DNAH5: variants seen among roughly 807,000 people sequenced by gnomAD.
DNAH5 encodes dynein axonemal heavy chain 5.
DNAH5 carries 372 observed loss-of-function variants against 518.2 expected under a neutral mutation model. The observed-to-expected ratio is 0.72, with a 90% confidence interval of 0.66 to 0.78. The LOEUF is 0.78. Among genes scored for constraint, DNAH5 ranks in the 30% least tolerant of loss-of-function variants. The pLI, the probability that DNAH5 is intolerant of heterozygous loss-of-function variation, is 0.00. For synonymous variants in DNAH5, 2,039 were observed against 2,025.9 expected (o/e 1.01, Z -0.17); for missense variants, 5,523 against 5,687.0 (o/e 0.97, Z 0.93).
rs756032160 is a variant in DNAH5 at position 13,735,239 on chromosome 5, G to A, written c.11653C>T (p.Arg3885Ter). The change falls in exon 68 of 79, where the codon CGA (arginine) becomes TGA (stop). Residue 3885 changes from arginine (R) to a stop codon, truncating the protein, a stop_gained. Coordinates refer to ENST00000265104, the MANE Select transcript of DNAH5 (RefSeq NM_001369.3). LOFTEE classifies it high-confidence loss of function. ...AATTTGTGCTCCTCGTACAGCCCTCGGGCAGCATACTTATAAACCTCGTAG... is the reference window on the plus strand; with the variant it reads ...AATTTGTGCTCCTCGTACAGCCCTCAGGCAGCATACTTATAAACCTCGTAG... ...MTYEVYKYAA[R>*]GLYEEHKFLF... The A allele has an allele frequency of 1.4e-5, 23 of 1,613,862 alleles. No homozygotes were observed. The highest frequency in any genetic ancestry group is 3.3e-5 in the Admixed American group (2 of 59,980).
chr5:13,854,427 A>G (rs1426407269), intron 30 of DNAH5, among the ~76,000 whole-genome samples: 6 of 152,252 alleles, frequency 3.9e-5, no homozygotes, highest in African/African-American at 1.2e-4. Flanking sequence ...ACCAAAATGT[A>G]AAGACCATTG....
Position 13,721,108 on chromosome 5 carries a change from A to G in DNAH5, c.12171T>C (p.Asp4057=), listed in dbSNP as rs181510043. The change falls in exon 71 of 79, where the codon GAT becomes GAC. Residue 4057 remains aspartate, a synonymous_variant. Transcript: ENST00000265104. ...ATCTCTTCCCCAAGGCAATGATGGAATCTGTGGGGTCTGAGCCCATAGACA... is the reference window on the plus strand; with the variant it reads ...ATCTCTTCCCCAAGGCAATGATGGAGTCTGTGGGGTCTGAGCCCATAGACA... ...CLLSMGSDPT[D]SIIALGKRLK... 3.7e-5 allele frequency: 59 copies of G among 1,614,002 alleles called. No individual in the cohort carries two copies. The highest frequency in any genetic ancestry group is 4.6e-5 in the Non-Finnish European group (54 of 1,180,006).
rs1291374135 is a variant in DNAH5 at position 13,919,169 on chromosome 5, T to C, written c.975+7A>G. 6.2e-7 allele frequency: 1 copy of C among 1,613,968 alleles called. No individual in the cohort carries two copies. Among genetic ancestry groups the C allele is most frequent in the Non-Finnish European group, 8.5e-7 (1 of 1,179,832 alleles). On this transcript the variant is annotated splice_region_variant and intron_variant, in intron 7 of 78. Coordinates refer to ENST00000265104, the MANE Select transcript of DNAH5 (RefSeq NM_001369.3). Reference sequence around the variant, plus strand: ...ATTTCACAAGGCAAAATGAAATGGCTGACGACCTTCAGCAGTTTCGACTTG... The same window carrying C: ...ATTTCACAAGGCAAAATGAAATGGCCGACGACCTTCAGCAGTTTCGACTTG...
At position 13,839,491 on chromosome 5, in the gene DNAH5, C is replaced by A; in HGVS notation, c.5747G>T (p.Trp1916Leu). The A allele has an allele frequency of 6.2e-7, 1 of 1,614,014 alleles. No homozygotes were observed. The highest frequency in any genetic ancestry group is 8.5e-7 in the Non-Finnish European group (1 of 1,179,944). ...MHIKSPMDFE[W>L]LKQCRFYFNE... ...AAAGTAAAATCTGCACTGTTTCAGC[C>A]ACTCAAAGTCCATGGGACTCTTGAT... Residue 1916 changes from tryptophan (W) to leucine (L), a missense_variant, in exon 35 of 79, where the codon TGG (tryptophan) becomes TTG (leucine). By Grantham distance (61) the Trp-to-Leu change is moderately conservative. Transcript: ENST00000265104.
chr5:13,696,620 C>G (rs1206837653), intron 78 of DNAH5, among the ~76,000 whole-genome samples: 1 of 152,090 alleles, frequency 6.6e-6, no homozygotes. Flanking sequence ...AAATGCTGCA[C>G]TTTGGTCATT....
At chr5:13,799,104 T>G (rs1294994342) in intron 47 of DNAH5, among the ~76,000 whole-genome samples, 1 of 151,888 alleles carries the variant, frequency 6.6e-6, no homozygotes, top group Non-Finnish European at 1.5e-5. Flanking sequence ...ATGTGAAAAT[T>G]TTTCACTATT....
intron 11 of DNAH5, among the ~76,000 whole-genome samples, chr5:13,913,254 T>C (rs1184014618): frequency 6.6e-6 from 1 of 152,000 alleles, no homozygotes; most frequent in East Asian, 1.9e-4. Flanking sequence ...CATGACAAGA[T>C]AAAGCAGTTA....
chr5:13,725,878 C>A (rs1847080), intron 70 of DNAH5, among the ~76,000 whole-genome samples: 1 of 152,054 alleles, frequency 6.6e-6, no homozygotes, highest in East Asian at 1.9e-4. Flanking sequence ...GGTCTTGAAC[C>A]CCTGACCTCG....
intron 24 of DNAH5, 121 bp downstream of exon 24, chr5:13,870,646 G>A: frequency 3.2e-6 from 3 of 943,012 alleles, no homozygotes; most frequent in Non-Finnish European, 4.9e-6. Flanking sequence ...CAACAATATT[G>A]AAATTATTGT....
Position 13,781,680 on chromosome 5 carries a change from G to A in DNAH5, c.8821-721C>T, listed in dbSNP as rs567087183. On this transcript the variant is annotated intron_variant, in intron 52 of 78. Transcript: ENST00000265104. ...CGCCGCCATGTAAGAAGTGCCTTTCGCCTCCCACCGTGATTCTGAGGCCTC... is the reference window on the plus strand; with the variant it reads ...CGCCGCCATGTAAGAAGTGCCTTTCACCTCCCACCGTGATTCTGAGGCCTC... Among the ~76,000 whole-genome samples, 243 of 151,484 alleles carry A rather than the reference G, an allele frequency of 1.6e-3. 1 individual carries two copies. The highest frequency in any genetic ancestry group is 0.01 in the Middle Eastern group (3 of 294).
intron 1 of DNAH5, among the ~76,000 whole-genome samples, chr5:13,962,951 C>A (rs902224821): frequency 6.6e-6 from 1 of 152,102 alleles, no homozygotes; most frequent in African/African-American, 2.4e-5. Flanking sequence ...CATGACACCC[C>A]ACAGCAGCGG....
chr5:13,896,284 G>A (rs745429827), intron 15 of DNAH5, among the ~76,000 whole-genome samples: 2 of 151,786 alleles, frequency 1.3e-5, no homozygotes, highest in African/African-American at 2.4e-5. Flanking sequence ...AGATCTACCC[G>A]ATTTTGTCCC....
intron 1 of DNAH5, among the ~76,000 whole-genome samples, chr5:13,964,515 A>G (rs1781404113): frequency 6.6e-6 from 1 of 152,246 alleles, no homozygotes; most frequent in South Asian, 2.1e-4. Flanking sequence ...AGATCGCTCA[A>G]GGTCACACTG....
intron 75 of DNAH5, among the ~76,000 whole-genome samples, chr5:13,713,575 A>G (rs987948024): frequency 6.6e-6 from 1 of 150,552 alleles, no homozygotes; most frequent in African/African-American, 2.4e-5. Context: ...TATTATCCTA[A>G]GTGAAGTAAC....
At chr5:13,989,356 C>A (rs748551233) in intron 1 of DNAH5, among the ~76,000 whole-genome samples, 3 of 150,038 alleles carry the variant, frequency 2.0e-5, no homozygotes, top group Non-Finnish European at 3.0e-5. Context: ...TTAATTAAGT[C>A]GAAAGACATT....
chr5:13,847,342 A>G (rs1766147062), intron 31 of DNAH5, among the ~76,000 whole-genome samples: 1 of 94,400 alleles, frequency 1.1e-5, no homozygotes, highest in African/African-American at 3.9e-5. Context: ...ATTTTAGAGT[A>G]GACATTTTCT....
chr5:13,952,689 A>C (rs1780506482), intron 1 of DNAH5, among the ~76,000 whole-genome samples: 1 of 152,250 alleles, frequency 6.6e-6, no homozygotes, highest in South Asian at 2.1e-4. Flanking sequence ...ACCAACAATT[A>C]CAAATTGTAT....
At chr5:13,879,991 A>G (rs1771436154) in intron 21 of DNAH5, among the ~76,000 whole-genome samples, 1 of 152,172 alleles carries the variant, frequency 6.6e-6, no homozygotes, top group South Asian at 2.1e-4. Context: ...AAAAACACTC[A>G]CACCAAGACA....
intron 76 of DNAH5, among the ~76,000 whole-genome samples, chr5:13,703,301 C>G (rs1444110849): frequency 6.6e-6 from 1 of 152,166 alleles, no homozygotes; most frequent in Admixed American, 6.5e-5. Flanking sequence ...CACACATCAA[C>G]TCATTTAATC....
Sources: allele counts gnomAD v4.1 joint callset (sites outside exome capture counted in the v4.1 genomes callset), GRCh38; gene constraint gnomAD v4.1.1; transcripts MANE v1.5; gene names NCBI Gene and HGNC (gene_info 2026-07-23, HGNC 2026-07-21).